The following TACR1 variants were observed in gnomAD, a reference collection of about 807,000 sequenced individuals.
The protein encoded by TACR1 is tachykinin receptor 1.
TACR1 carries 25 observed loss-of-function variants against 35.8 expected under a neutral mutation model. The observed-to-expected ratio is 0.70, with a 90% CI of 0.51 to 0.98. The LOEUF (loss-of-function observed/expected upper bound fraction) is 0.98. TACR1 is among the 50% of genes least tolerant of loss of function. The pLI is 0.00. For synonymous variants in TACR1, 195 were observed against 206.7 expected, an observed-to-expected ratio of 0.94 and a Z score of 0.48; for missense variants, 478 against 522.9, an observed-to-expected ratio of 0.91 and a Z score of 0.84.
At chr2:75,050,877 G>A (rs1175791987) in intron 4 of TACR1, among the ~76,000 whole-genome samples, 2 of 152,202 alleles carry the variant, frequency 1.3e-5, no homozygotes, top group East Asian at 3.9e-4. Flanking sequence ...GATCCATAGA[G>A]CAGAGTGAAT....
intron 1 of TACR1, among the ~76,000 whole-genome samples, chr2:75,184,066 G>C (rs185711167): frequency 2.0e-5 from 3 of 152,264 alleles, no homozygotes; most frequent in Admixed American, 1.3e-4. Context: ...GCTTATGTAA[G>C]TTGTATTTTA....
chr2:75,110,040 A>G (rs1673720940), intron 2 of TACR1, among the ~76,000 whole-genome samples: 1 of 152,184 alleles, frequency 6.6e-6, no homozygotes, highest in Non-Finnish European at 1.5e-5. Flanking sequence ...CTACATATAC[A>G]TGTCTTCTGG....
At chr2:75,145,233 G>A (rs1674483127) in intron 1 of TACR1, among the ~76,000 whole-genome samples, 2 of 152,016 alleles carry the variant, frequency 1.3e-5, no homozygotes, top group South Asian at 4.1e-4. Flanking sequence ...AGAATAATAT[G>A]TCTTTAATTA....
chr2:75,089,475 C>T (rs1024225713), intron 2 of TACR1, among the ~76,000 whole-genome samples: 4 of 152,076 alleles, frequency 2.6e-5, no homozygotes, highest in Non-Finnish European at 4.4e-5. Context: ...TAAACATGAG[C>T]GGGTTAAGAG....
chr2:75,166,701 G>A (rs547450485), intron 1 of TACR1, among the ~76,000 whole-genome samples: 14 of 152,328 alleles, frequency 9.2e-5, no homozygotes, highest in Middle Eastern at 3.4e-3. Context: ...GATTGTGGGC[G>A]GCTGGGGTTG....
intron 2 of TACR1, among the ~76,000 whole-genome samples, chr2:75,070,982 G>A (rs995552157): frequency 6.6e-6 from 1 of 152,092 alleles, no homozygotes; most frequent in Admixed American, 6.5e-5. Context: ...AAACAAAGAA[G>A]AATATTGTTT....
At chr2:75,155,605 A>G (rs1674828944) in intron 1 of TACR1, among the ~76,000 whole-genome samples, 1 of 152,238 alleles carries the variant, frequency 6.6e-6, no homozygotes, top group Non-Finnish European at 1.5e-5. Context: ...GATACAGACA[A>G]ACAAGGTCAG....
intron 1 of TACR1, among the ~76,000 whole-genome samples, chr2:75,185,551 A>G (rs182778020): frequency 1.3e-5 from 2 of 152,292 alleles, no homozygotes; most frequent in East Asian, 3.9e-4. Context: ...TTAAATTTAA[A>G]GCTCTATTAA....
intron 1 of TACR1, chr2:75,154,490 A>T: frequency 1.0e-5 from 1 of 97,686 alleles, no homozygotes; most frequent in Non-Finnish European, 2.1e-5. Context: ...CTAACCCACC[A>T]CACACACACA....
chr2:75,075,048 G>A (rs910656189), intron 2 of TACR1, among the ~76,000 whole-genome samples: 4 of 152,142 alleles, frequency 2.6e-5, no homozygotes, highest in Non-Finnish European at 5.9e-5. Flanking sequence ...CACTATTTAA[G>A]ATCTATTCTT....
intron 1 of TACR1, among the ~76,000 whole-genome samples, chr2:75,182,541 G>T (rs1165774569): frequency 6.6e-6 from 1 of 152,174 alleles, no homozygotes; most frequent in Admixed American, 6.5e-5. Context: ...GTATATGATG[G>T]TGCTTCCATG....
chr2:75,136,984 A>G (rs1487885014), intron 1 of TACR1, among the ~76,000 whole-genome samples: 2 of 152,158 alleles, frequency 1.3e-5, no homozygotes, highest in Non-Finnish European at 2.9e-5. Context: ...ACGATATTCT[A>G]ATTATCAGTT....
intron 1 of TACR1, among the ~76,000 whole-genome samples, chr2:75,132,254 T>C (rs544194207): frequency 2.6e-5 from 4 of 152,310 alleles, no homozygotes; most frequent in African/African-American, 9.6e-5. Context: ...AAACAACCTG[T>C]CAACTAAGAC....
intron 1 of TACR1, among the ~76,000 whole-genome samples, chr2:75,170,133 A>G (rs1049040052): frequency 1.3e-5 from 2 of 152,144 alleles, no homozygotes; most frequent in Non-Finnish European, 2.9e-5. Context: ...CCCAAATCCC[A>G]TTTTGAATTG....
chr2:75,120,288 A>G (rs1420232894), intron 2 of TACR1, among the ~76,000 whole-genome samples: 1 of 152,152 alleles, frequency 6.6e-6, no homozygotes, highest in Admixed American at 6.5e-5. Context: ...CCGGCAGGGT[A>G]ATGTCTCTGG....
At chr2:75,065,740 C>T (rs577093926) in intron 2 of TACR1, among the ~76,000 whole-genome samples, 34 of 152,286 alleles carry the variant, frequency 2.2e-4, no homozygotes, top group African/African-American at 8.2e-4. Context: ...GAAACTGCTT[C>T]AATTGGTGCC....
intron 1 of TACR1, among the ~76,000 whole-genome samples, chr2:75,147,615 G>A (rs914747335): frequency 1.3e-5 from 2 of 152,108 alleles, no homozygotes; most frequent in African/African-American, 4.8e-5. Context: ...CTGTGTCCAT[G>A]TGTTTTCATT....
intron 1 of TACR1, chr2:75,186,730 T>G (rs1675713145): frequency 2.0e-5 from 3 of 152,180 alleles, no homozygotes; most frequent in South Asian, 4.1e-4. Flanking sequence ...ATCTGCTTAA[T>G]CAGAATGTTA....
intron 2 of TACR1, among the ~76,000 whole-genome samples, chr2:75,085,045 G>T (rs1673165361): frequency 6.6e-6 from 1 of 151,928 alleles, no homozygotes; most frequent in Non-Finnish European, 1.5e-5. Context: ...GATCTTTCCT[G>T]CTTTCTCTTG....
Sources: gnomAD v4.1 joint callset for allele counts (sites outside exome capture counted in the v4.1 genomes callset) on GRCh38, gnomAD v4.1.1 for gene constraint, MANE v1.5 for transcripts, NCBI Gene and HGNC (gene_info 2026-07-23, HGNC 2026-07-21) for gene names.